The following SGCG variants were observed in gnomAD, a reference collection of about 807,000 sequenced individuals.
The protein encoded by SGCG is gamma-sarcoglycan.
In SGCG, 26 loss-of-function variants were observed where a neutral mutation model predicts 29.3. That is an observed-to-expected ratio of 0.89 (90% CI 0.65 to 1.23). SGCG has a LOEUF of 1.23. Ranked by LOEUF, SGCG falls within the 50% of genes most tolerant of loss-of-function variation. The pLI is 0.00. For synonymous variants in SGCG, 145 were observed against 129.7 expected (o/e 1.12, Z -0.80); for missense variants, 353 against 356.0 (o/e 0.99, Z 0.07).
In SGCG at chr13:23,220,693, C is replaced by CT. The variant is rs1398984472; in HGVS notation, c.196-13915dup. ...AATTTAGATGATCAACTCCACCAAT[C>CT]TTTACCCTTTCTTATGCTTAACCAA... On this transcript the variant is annotated intron_variant, in intron 2 of 7. Coordinates refer to ENST00000218867, the MANE Select transcript of SGCG (RefSeq NM_000231.3). Among the ~76,000 whole-genome samples the CT allele has an allele frequency of 3.9e-5, 6 of 152,290 alleles. No homozygotes were observed. In the East Asian group the frequency reaches 1.2e-3, roughly 29 times the overall value.
At chr13:23,178,543 A>G (rs1209868947), upstream of SGCG, among the ~76,000 whole-genome samples, 1 of 152,204 alleles carries the variant, frequency 6.6e-6, no homozygotes, top group African/African-American at 2.4e-5. Flanking sequence ...TAACGTCATG[A>G]GAACTATTAA....
intron 2 of SGCG, among the ~76,000 whole-genome samples, chr13:23,205,054 T>C (rs1565998955): frequency 1.3e-5 from 2 of 152,014 alleles, no homozygotes; most frequent in Admixed American, 6.6e-5. Context: ...GTAATCAATA[T>C]AGATATATGA....
intron 4 of SGCG, among the ~76,000 whole-genome samples, chr13:23,272,647 C>G (rs529129261): frequency 1.3e-5 from 2 of 152,220 alleles, no homozygotes; most frequent in East Asian, 3.9e-4. Flanking sequence ...CAGTGCTAAG[C>G]TTACTTACTT....
At chr13:23,303,946 G>T (rs1882271439) in intron 6 of SGCG, among the ~76,000 whole-genome samples, 2 of 151,868 alleles carry the variant, frequency 1.3e-5, no homozygotes, top group South Asian at 4.2e-4. Context: ...TTTAAATTTT[G>T]CCAATCTGAT....
At chr13:23,256,948 C>T (rs1430922010) in intron 4 of SGCG, among the ~76,000 whole-genome samples, 5 of 152,138 alleles carry the variant, frequency 3.3e-5, no homozygotes, top group African/African-American at 7.2e-5. Flanking sequence ...CCTGAGGAAT[C>T]GCCACACTCT....
rs556735612 is a variant in SGCG, at chr13:23,258,633, A to G, written c.385+7916A>G. Among the ~76,000 whole-genome samples, 86 of 152,242 alleles carry G rather than the reference A, an allele frequency of 5.6e-4. No homozygotes were observed. The South Asian group carries it at 7.7e-3, about 14-fold the overall frequency. ...GCATCCCTGTCTTTTGCCAGTTTTC[A>G]AAGGGAATGCTTCCAGTTTTTGCCC... On this transcript the variant is annotated intron_variant, in intron 4 of 7. Transcript: ENST00000218867.
intron 1 of SGCG, among the ~76,000 whole-genome samples, chr13:23,192,560 A>AT (rs1265431868): frequency 6.6e-6 from 1 of 151,106 alleles, no homozygotes; most frequent in Non-Finnish European, 1.5e-5. Flanking sequence ...CGCCCAGCTA[A>AT]TTTTTTTGTA....
chr13:23,204,600 CTTTCT>C (rs1182224015), intron 2 of SGCG, among the ~76,000 whole-genome samples: 2 of 150,066 alleles, frequency 1.3e-5, no homozygotes, highest in Non-Finnish European at 3.0e-5. Flanking sequence ...TCTTTCTTTT[CTTTCT>C]TTTCTTTCTT....
chr13:23,307,401 G>A (rs955356201), intron 6 of SGCG, among the ~76,000 whole-genome samples: 1 of 152,140 alleles, frequency 6.6e-6, no homozygotes, highest in African/African-American at 2.4e-5. Context: ...GTCTTGATGA[G>A]CTTAGAAGTG....
chr13:23,177,993 C>T (rs960422191), upstream of SGCG, among the ~76,000 whole-genome samples: 9 of 152,138 alleles, frequency 5.9e-5, no homozygotes, highest in East Asian at 1.9e-4. Flanking sequence ...TGATTCCAAA[C>T]TCCCCAGGAC....
intron 2 of SGCG, among the ~76,000 whole-genome samples, chr13:23,206,029 T>G (rs182713403): frequency 5.9e-5 from 9 of 152,348 alleles, no homozygotes; most frequent in African/African-American, 2.2e-4. Flanking sequence ...CTTAGGTGCA[T>G]GAGTTTGATT....
At chr13:23,324,183 G>C (rs1883145286) in intron 7 of SGCG, among the ~76,000 whole-genome samples, 185 bp from the exon 8 acceptor site, 1 of 152,224 alleles carries the variant, frequency 6.6e-6, no homozygotes, top group African/African-American at 2.4e-5. Flanking sequence ...GTCCCAGCCT[G>C]CATGTAAAAT....
intron 4 of SGCG, among the ~76,000 whole-genome samples, chr13:23,275,120 AATATAT>A (rs55873099): frequency 7.7e-6 from 1 of 129,940 alleles, no homozygotes; most frequent in East Asian, 2.3e-4. Context: ...TAATGGATGG[AATATAT>A]ATATATATAT....
chr13:23,272,746 G>C (rs1880916611), intron 4 of SGCG, among the ~76,000 whole-genome samples: 1 of 152,072 alleles, frequency 6.6e-6, no homozygotes, highest in Non-Finnish European at 1.5e-5. Context: ...TCTGTGCTTG[G>C]TTCTTTTATG....
chr13:23,210,847 A>T (rs866627837), intron 2 of SGCG, among the ~76,000 whole-genome samples: 9 of 152,284 alleles, frequency 5.9e-5, no homozygotes, highest in African/African-American at 2.2e-4. Context: ...AGATATCAGG[A>T]TCCATGAAGA....
At chr13:23,282,623 G>A (rs1881349155) in intron 5 of SGCG, among the ~76,000 whole-genome samples, 1 of 152,156 alleles carries the variant, frequency 6.6e-6, no homozygotes, top group African/African-American at 2.4e-5. Flanking sequence ...AAGGATAATA[G>A]TCTCCAGCTC....
At chr13:23,173,317 T>C in the SGCG span, among the ~76,000 whole-genome samples, 18,649 of 152,204 alleles carry the variant, frequency 0.12, 1,195 homozygotes, top group East Asian at 0.16. Context: ...GAGTCACACA[T>C]GCAGGCCTGC....
chr13:23,231,319 C>G (rs1002493457), intron 2 of SGCG, among the ~76,000 whole-genome samples: 3 of 126,970 alleles, frequency 2.4e-5, no homozygotes, highest in South Asian at 2.6e-4. Flanking sequence ...GGGAATGAGT[C>G]CCTCTTTCTC....
chr13:23,240,468 T>C (rs1483535857), intron 3 of SGCG, among the ~76,000 whole-genome samples: 1 of 152,148 alleles, frequency 6.6e-6, no homozygotes, highest in African/African-American at 2.4e-5. Flanking sequence ...TCAACCAACT[T>C]GATATAATTA....
Sources: gnomAD v4.1 joint callset for allele counts (sites outside exome capture counted in the v4.1 genomes callset) on GRCh38, gnomAD v4.1.1 for gene constraint, MANE v1.5 for transcripts, NCBI Gene and HGNC (gene_info 2026-07-23, HGNC 2026-07-21) for gene names.